The following LZTFL1 variants were observed in gnomAD, a reference collection of about 807,000 sequenced individuals.
The protein encoded by LZTFL1 is leucine zipper transcription factor-like protein 1.
In LZTFL1, 25 loss-of-function variants were observed where a neutral mutation model predicts 45.9. The ratio of observed to expected loss-of-function variants is 0.54; its 90% CI spans 0.40 to 0.76. LZTFL1 has a LOEUF of 0.76. LZTFL1 is among the 30% of genes least tolerant of loss of function. The pLI is 0.00. For synonymous variants in LZTFL1, 93 were observed against 117.4 expected, an observed-to-expected ratio of 0.79 and a Z score of 1.35; for missense variants, 277 against 331.1, an observed-to-expected ratio of 0.84 and a Z score of 1.27.
intron 3 of LZTFL1, among the ~76,000 whole-genome samples, chr3:45,855,913 A>G (rs1158168672): frequency 6.6e-6 from 1 of 152,210 alleles, no homozygotes. Flanking sequence ...ACACAAACAA[A>G]TGAAAAAATA....
intron 3 of LZTFL1, among the ~76,000 whole-genome samples, chr3:45,855,715 A>G (rs549378241): frequency 6.6e-6 from 1 of 152,366 alleles, no homozygotes; most frequent in East Asian, 1.9e-4. Flanking sequence ...GTCTCAGGAT[A>G]CAAAATCAAT....
At chr3:45,895,587 G>A (rs111936439) in intron 2 of LZTFL1, among the ~76,000 whole-genome samples, 281 of 152,240 alleles carry the variant, frequency 1.8e-3, no homozygotes, top group African/African-American at 6.5e-3. Context: ...GGTGGCATGC[G>A]CATGTAATCC....
intron 5 of LZTFL1, among the ~76,000 whole-genome samples, chr3:45,831,786 A>G (rs1428130927): frequency 6.6e-6 from 1 of 152,106 alleles, no homozygotes; most frequent in African/African-American, 2.4e-5. Flanking sequence ...TTCAAGGCCC[A>G]GCTTAGGTAC....
At chr3:45,880,363 G>A (rs540423868) in intron 2 of LZTFL1, among the ~76,000 whole-genome samples, 22 of 152,134 alleles carry the variant, frequency 1.4e-4, no homozygotes, top group Admixed American at 6.5e-4. Context: ...TTAGCTGGGC[G>A]TGGTGATGGG....
chr3:45,895,124 G>C, intron 2 of LZTFL1: 2 of 703,650 alleles, frequency 2.8e-6, no homozygotes, highest in Non-Finnish European at 5.0e-6. Context: ...CAGCACAGAG[G>C]GTTTTGCAAA....
At chr3:45,867,022 C>G (rs35652899) in intron 2 of LZTFL1, among the ~76,000 whole-genome samples, 8,767 of 151,946 alleles carry the variant, frequency 0.058, 370 homozygotes, top group South Asian at 0.16. Flanking sequence ...GTGGCGCATG[C>G]CTGTAATCCC....
At chr3:45,876,473 T>G (rs1415799814) in intron 2 of LZTFL1, among the ~76,000 whole-genome samples, 2 of 152,128 alleles carry the variant, frequency 1.3e-5, no homozygotes, top group African/African-American at 4.8e-5. Context: ...AAAAGAGAAA[T>G]CTGAGGCTCT....
intron 2 of LZTFL1, among the ~76,000 whole-genome samples, chr3:45,904,879 G>A (rs2125767610): frequency 6.6e-6 from 1 of 152,222 alleles, no homozygotes; most frequent in South Asian, 2.1e-4. Context: ...CTTCTTGTGG[G>A]GTCCAGAACA....
chr3:45,842,197 A>G (rs1291444751), upstream of LZTFL1: 4 of 1,440,044 alleles, frequency 2.8e-6, no homozygotes, highest in African/African-American at 2.8e-5. Context: ...GACAGGAAGT[A>G]TTGCGTAACC....
At chr3:45,880,278 C>A (rs538326615) in intron 2 of LZTFL1, among the ~76,000 whole-genome samples, 5 of 152,094 alleles carry the variant, frequency 3.3e-5, no homozygotes, top group Admixed American at 6.5e-5. Context: ...CCGAGGTAGG[C>A]GGATCACGAG....
At chr3:45,887,770 C>A (rs1360550485) in intron 2 of LZTFL1, among the ~76,000 whole-genome samples, 1 of 152,248 alleles carries the variant, frequency 6.6e-6, no homozygotes, top group African/African-American at 2.4e-5. Flanking sequence ...CCCCTGGGCC[C>A]TGTGCAGCCC....
intron 2 of LZTFL1, among the ~76,000 whole-genome samples, chr3:45,893,459 C>T (rs548345919): frequency 6.6e-6 from 1 of 152,252 alleles, no homozygotes; most frequent in African/African-American, 2.4e-5. Flanking sequence ...CCAGCCACCT[C>T]CCCTTCTCTC....
chr3:45,830,231 C>T (rs1401244500), intron 7 of LZTFL1, among the ~76,000 whole-genome samples: 1 of 152,220 alleles, frequency 6.6e-6, no homozygotes, highest in Non-Finnish European at 1.5e-5. Flanking sequence ...CAATGCTGTA[C>T]TGAATATCTA....
chr3:45,913,235 A>G, intron 1 of LZTFL1: 1 of 1,227,632 alleles, frequency 8.1e-7, no homozygotes. Context: ...CTATTAACAA[A>G]CCAGTGCTGC....
chr3:45,826,559 T>A (rs1016854062), intron 9 of LZTFL1, among the ~76,000 whole-genome samples: 1 of 152,208 alleles, frequency 6.6e-6, no homozygotes, highest in Non-Finnish European at 1.5e-5. Flanking sequence ...TATTTGGCAT[T>A]TAGACCTGTG....
intron 2 of LZTFL1, among the ~76,000 whole-genome samples, chr3:45,882,833 T>C (rs2125728752): frequency 6.9e-6 from 1 of 143,994 alleles, no homozygotes; most frequent in Admixed American, 7.0e-5. Flanking sequence ...ATTATTATTA[T>C]TAACATTTTT....
chr3:45,900,272 T>C lies in LZTFL1; in HGVS notation c.-215+12848A>G, dbSNP rs1271923077. 6.6e-6 allele frequency among the ~76,000 whole-genome samples: 1 copy of C among 152,178 alleles called. No individual in the cohort carries two copies. Among genetic ancestry groups the C allele is most frequent in the Non-Finnish European group, 1.5e-5 (1 of 68,022 alleles). On this transcript the variant is annotated intron_variant, in intron 2 of 4. Coordinates refer to the LZTFL1 transcript ENST00000472635. The surrounding 1 kb of genome is among the most constrained non-coding windows in gnomAD (Gnocchi z 4.7). ...GAGAGTGTCTGTGTGTGTATGTGTA[T>C]GTGCATGTGTATGTGGGTGTATGCT...
At chr3:45,890,256 G>GAAATATATATATATATATTTAT (rs1402612474) in intron 2 of LZTFL1, among the ~76,000 whole-genome samples, 3 of 20,958 alleles carry the variant, frequency 1.4e-4, no homozygotes, top group African/African-American at 3.9e-4. Flanking sequence ...CTGGGTATTA[G>GAAATATATATATATATATTTAT]AAATATATAT....
At chr3:45,902,039 T>C in intron 2 of LZTFL1, 1 of 755,706 alleles carries the variant, frequency 1.3e-6, no homozygotes, top group Non-Finnish European at 2.1e-6. Context: ...TTACTTGTAG[T>C]CAGAATTTGC....
Sources: allele counts gnomAD v4.1 joint callset (sites outside exome capture counted in the v4.1 genomes callset), GRCh38; gene constraint gnomAD v4.1.1; non-coding constraint Gnocchi (gnomAD v3.1); transcripts MANE v1.5; gene names NCBI Gene and HGNC (gene_info 2026-07-23, HGNC 2026-07-21).